Variants in FER observed in about 807,000 individuals in gnomAD.
FER encodes tyrosine-protein kinase Fer.
In FER, 63 loss-of-function variants were observed where a neutral mutation model predicts 111.0. The observed-to-expected ratio is 0.57, with a 90% CI of 0.46 to 0.70. The LOEUF is 0.70. Ranked by LOEUF, FER falls within the 30% of genes least tolerant of loss-of-function variation. The pLI, the probability that FER is intolerant of heterozygous loss-of-function variation, is 0.00. For missense variants in FER, 914 were observed against 954.0 expected (o/e 0.96, Z 0.55); for synonymous variants, 327 against 313.9 (o/e 1.04, Z -0.44).
intron 6 of FER, among the ~76,000 whole-genome samples, chr5:108,868,502 A>G (rs1471369024): frequency 6.6e-6 from 1 of 152,150 alleles, no homozygotes; most frequent in Non-Finnish European, 1.5e-5. Flanking sequence ...TGTTTATCAC[A>G]CACACTGATA....
At chr5:108,967,971 G>C (rs1760117423) in intron 13 of FER, among the ~76,000 whole-genome samples, 1 of 152,110 alleles carries the variant, frequency 6.6e-6, no homozygotes, top group African/African-American at 2.4e-5. Flanking sequence ...TATCTGCCTA[G>C]GCGTTTGTCT....
intron 13 of FER, among the ~76,000 whole-genome samples, chr5:108,964,001 G>A (rs1244701596): frequency 2.0e-5 from 3 of 152,080 alleles, no homozygotes; most frequent in Non-Finnish European, 2.9e-5. Context: ...ATCATTTTAT[G>A]AAATCAGTCT....
chr5:108,984,456 A>C (rs1436338606), intron 13 of FER, among the ~76,000 whole-genome samples: 1 of 152,184 alleles, frequency 6.6e-6, no homozygotes, highest in Non-Finnish European at 1.5e-5. Flanking sequence ...GATTTGTTTG[A>C]AGGATCATCA....
At chr5:109,109,391 C>T (rs1028296302) in intron 17 of FER, among the ~76,000 whole-genome samples, 1 of 152,080 alleles carries the variant, frequency 6.6e-6, no homozygotes, top group African/African-American at 2.4e-5. Flanking sequence ...GCTTATCTCC[C>T]CCAACTCCCC....
intron 16 of FER, among the ~76,000 whole-genome samples, chr5:109,049,252 T>C (rs1016180439): frequency 6.6e-6 from 1 of 152,238 alleles, no homozygotes; most frequent in African/African-American, 2.4e-5. Context: ...CAGCCTTGAC[T>C]GTGTTCCGTG....
chr5:108,983,033 G>A (rs1443509313), intron 13 of FER, among the ~76,000 whole-genome samples: 1 of 152,034 alleles, frequency 6.6e-6, no homozygotes, highest in Non-Finnish European at 1.5e-5. Flanking sequence ...TGATGGCAAA[G>A]ATGGTATATA....
chr5:109,015,550 A>G lies in FER; in HGVS notation c.1657-21872A>G, dbSNP rs191927722. ...TAGCCTTTTCCCTCAAAGAGCTTCTATCTGCCAGTGGAGACTGACAGGTAA... is the reference window on the plus strand; with the variant it reads ...TAGCCTTTTCCCTCAAAGAGCTTCTGTCTGCCAGTGGAGACTGACAGGTAA... On this transcript the variant is annotated intron_variant, in intron 13 of 19. Coordinates refer to ENST00000281092, the MANE Select transcript of FER (RefSeq NM_005246.4). Among the ~76,000 whole-genome samples the G allele has an allele frequency of 8.1e-4, 120 of 148,980 alleles. No homozygotes were observed. The East Asian group carries it at 0.018, about 22-fold the overall frequency.
intron 2 of FER, among the ~76,000 whole-genome samples, chr5:108,794,309 C>T (rs1329986034): frequency 6.6e-6 from 1 of 151,784 alleles, no homozygotes; most frequent in Non-Finnish European, 1.5e-5. Context: ...TCTCCGCCTC[C>T]CAGGTTCAAG....
At chr5:108,845,701 C>A (rs1045570685) in intron 5 of FER, among the ~76,000 whole-genome samples, 1 of 151,852 alleles carries the variant, frequency 6.6e-6, no homozygotes, top group Non-Finnish European at 1.5e-5. Flanking sequence ...TTGCCTTGTT[C>A]CTGAACTTAG....
intron 3 of FER, among the ~76,000 whole-genome samples, chr5:108,799,491 T>C (rs2150047757): frequency 6.6e-6 from 1 of 152,322 alleles, no homozygotes; most frequent in African/African-American, 2.4e-5. Context: ...AATGTTCATA[T>C]CTTTAACTTC....
At chr5:109,128,829 C>T (rs4412152) in intron 17 of FER, among the ~76,000 whole-genome samples, 5 of 151,864 alleles carry the variant, frequency 3.3e-5, no homozygotes, top group Non-Finnish European at 5.9e-5. Flanking sequence ...CAAAATGATT[C>T]TAAAGTGTGT....
At chr5:109,114,114 A>C (rs1749955097) in intron 17 of FER, among the ~76,000 whole-genome samples, 2 of 152,110 alleles carry the variant, frequency 1.3e-5, no homozygotes, top group South Asian at 4.1e-4. Context: ...ATTGGAAGTG[A>C]TGGGTACTTA....
intron 5 of FER, among the ~76,000 whole-genome samples, chr5:108,836,603 AATTCATCTT>A (rs1031328043): frequency 6.6e-6 from 1 of 152,088 alleles, no homozygotes; most frequent in African/African-American, 2.4e-5. Flanking sequence ...TTGGTTCTTA[AATTCATCTT>A]TCTCTACATT....
At chr5:109,005,980 A>T (rs531049164) in intron 13 of FER, among the ~76,000 whole-genome samples, 94 of 152,332 alleles carry the variant, frequency 6.2e-4, no homozygotes, top group Non-Finnish European at 1.2e-3. Context: ...GTACATTTTT[A>T]AAATATTTAT....
chr5:108,885,368 G>T (rs1746961253), intron 9 of FER, among the ~76,000 whole-genome samples: 1 of 151,830 alleles, frequency 6.6e-6, no homozygotes, highest in Non-Finnish European at 1.5e-5. Context: ...ATTTTAGAGG[G>T]CTACTTTTCT....
intron 16 of FER, among the ~76,000 whole-genome samples, chr5:109,099,695 T>C (rs1165336374): frequency 6.6e-6 from 1 of 151,602 alleles, no homozygotes; most frequent in Non-Finnish European, 1.5e-5. Context: ...TTTAAATATT[T>C]TTAAAAATTT....
Position 109,008,957 on chromosome 5 carries a change from C to T in FER, c.1657-28465C>T, listed in dbSNP as rs191373606. Among the ~76,000 whole-genome samples the T allele has an allele frequency of 1.4e-3, 213 of 151,708 alleles. 1 individual carries two copies. The highest frequency in any genetic ancestry group is 6.9e-3 in the Middle Eastern group (2 of 290). The stretch of plus-strand genomic sequence containing the variant: ...TGCACTCTAGCCTGGGCAACAAGAG[C>T]GAAACTCCATCTCAAAACAACAACA... On this transcript the variant is annotated intron_variant, in intron 13 of 19. Transcript: ENST00000281092.
At chr5:109,112,856 C>T (rs1178589207) in intron 17 of FER, among the ~76,000 whole-genome samples, 4 of 152,112 alleles carry the variant, frequency 2.6e-5, no homozygotes, top group Non-Finnish European at 4.4e-5. Flanking sequence ...ACTTCCTATT[C>T]TTGATGCTGT....
intron 11 of FER, among the ~76,000 whole-genome samples, chr5:108,952,788 A>C (rs1414466838): frequency 6.6e-6 from 1 of 152,016 alleles, no homozygotes; most frequent in Non-Finnish European, 1.5e-5. Context: ...TTCCACCTTA[A>C]TTAGTTCATC....
Sources: allele counts gnomAD v4.1 joint callset (sites outside exome capture counted in the v4.1 genomes callset), GRCh38; gene constraint gnomAD v4.1.1; transcripts MANE v1.5; gene names NCBI Gene and HGNC (gene_info 2026-07-23, HGNC 2026-07-21).